AFAP1L2: variants seen among roughly 807,000 people sequenced by gnomAD.
The protein encoded by AFAP1L2 is actin filament-associated protein 1-like 2.
In AFAP1L2, 46 loss-of-function variants were observed where a neutral mutation model predicts 99.3. The ratio of observed to expected loss-of-function variants is 0.46; its 90% CI spans 0.37 to 0.59. The LOEUF (loss-of-function observed/expected upper bound fraction) is 0.59, where lower values mean the gene tolerates loss of function less well. Among genes scored for constraint, AFAP1L2 ranks in the 20% least tolerant of loss-of-function variants. The probability of loss-of-function intolerance (pLI) is 0.00; values close to 1 mark genes in which losing one functional copy is unlikely to be tolerated. For synonymous variants in AFAP1L2, 397 were observed against 419.1 expected (o/e 0.95, Z 0.64); for missense variants, 959 against 1,034.9 (o/e 0.93, Z 1.01).
intron 10 of AFAP1L2, among the ~76,000 whole-genome samples, chr10:114,306,377 G>GGACGCGGGGGGGGGAGGGGA (rs1452022457): frequency 6.6e-6 from 1 of 151,074 alleles, no homozygotes; most frequent in Non-Finnish European, 1.5e-5. Flanking sequence ...GGGCAGGAGG[G>GGACGCGGGGGGGGGAGGGGA]CATGGGTGTC....
At chr10:114,325,232 A>G (rs1265829213) in intron 4 of AFAP1L2, among the ~76,000 whole-genome samples, 2 of 152,336 alleles carry the variant, frequency 1.3e-5, no homozygotes, top group East Asian at 3.9e-4. Flanking sequence ...AAAACGTGAT[A>G]GTGTTTCCAC....
intron 4 of AFAP1L2, 50 bp downstream of exon 4, chr10:114,331,753 G>C: frequency 7.9e-7 from 1 of 1,264,708 alleles, no homozygotes; most frequent in Non-Finnish European, 1.0e-6. Flanking sequence ...ACAACTGGAA[G>C]TTCAAGGGGC....
chr10:114,350,348 TGGA>T (rs1050170684), intron 1 of AFAP1L2, among the ~76,000 whole-genome samples: 1 of 152,224 alleles, frequency 6.6e-6, no homozygotes, highest in African/African-American at 2.4e-5. Context: ...TGTTGTCCCA[TGGA>T]TGCAAGTCCT....
intron 16 of AFAP1L2, among the ~76,000 whole-genome samples, chr10:114,298,086 A>G (rs925868998): frequency 2.0e-5 from 3 of 152,230 alleles, no homozygotes; most frequent in East Asian, 1.9e-4. Flanking sequence ...GTTTAAAAAA[A>G]TACAGTTCAA....
At chr10:114,337,742 G>A (rs1436109424) in intron 2 of AFAP1L2, among the ~76,000 whole-genome samples, 1 of 152,228 alleles carries the variant, frequency 6.6e-6, no homozygotes, top group Non-Finnish European at 1.5e-5. Context: ...AGATCCACGG[G>A]TCAGACTTAT....
chr10:114,290,239 G>T, downstream of AFAP1L2: 1 of 1,550,372 alleles, frequency 6.5e-7, no homozygotes, highest in Middle Eastern at 1.7e-4. Flanking sequence ...CTCCATTGTA[G>T]AAGCCAAGCA....
At chr10:114,304,650 A>C (rs2041814447) in intron 11 of AFAP1L2, 69 bp downstream of exon 11, 12 of 1,385,414 alleles carry the variant, frequency 8.7e-6, no homozygotes, top group Non-Finnish European at 1.2e-5. Context: ...ACAGTCCTGG[A>C]GACTGGCAGC....
At chr10:114,282,017 C>CTTTTTTTTTTTTTTTTTTTTTTT in the AFAP1L2 span, among the ~76,000 whole-genome samples, 1 of 119,704 alleles carries the variant, frequency 8.4e-6, no homozygotes. Context: ...CTTATGTTAC[C>CTTTTTTTTTTTTTTTTTTTTTTT]TTTTTTTTTT....
intron 1 of AFAP1L2, among the ~76,000 whole-genome samples, chr10:114,356,773 G>C (rs1201825835): frequency 6.6e-6 from 1 of 152,220 alleles, no homozygotes; most frequent in Non-Finnish European, 1.5e-5. Context: ...ATCCTAGAGA[G>C]CAAAGGAAAG....
chr10:114,384,831 G>C (rs1018848746), intron 1 of AFAP1L2, among the ~76,000 whole-genome samples: 1 of 152,220 alleles, frequency 6.6e-6, no homozygotes, highest in African/African-American at 2.4e-5. Flanking sequence ...CACACACTCA[G>C]TGGGGACTTC....
At chr10:114,285,753 G>A in the AFAP1L2 span, among the ~76,000 whole-genome samples, 3 of 152,336 alleles carry the variant, frequency 2.0e-5, no homozygotes, top group South Asian at 2.1e-4. Flanking sequence ...GACCCTTAGC[G>A]AGTGCCAGGA....
chr10:114,376,123 T>G (rs1329071887), intron 1 of AFAP1L2, among the ~76,000 whole-genome samples: 1 of 152,178 alleles, frequency 6.6e-6, no homozygotes. Context: ...CTCCTACCTC[T>G]GCCAAAAAGC....
chr10:114,401,449 G>A (rs529896211), intron 1 of AFAP1L2, among the ~76,000 whole-genome samples: 1 of 152,296 alleles, frequency 6.6e-6, no homozygotes, highest in Non-Finnish European at 1.5e-5. Flanking sequence ...AACACATAAG[G>A]ATGGGAACCT....
chr10:114,387,670 T>C (rs1164741743), intron 1 of AFAP1L2, among the ~76,000 whole-genome samples: 1 of 152,214 alleles, frequency 6.6e-6, no homozygotes, highest in Non-Finnish European at 1.5e-5. Flanking sequence ...GAGTAAGTAA[T>C]TGCTCATGGT....
At chr10:114,322,094 A>G (rs1479237284) in intron 5 of AFAP1L2, among the ~76,000 whole-genome samples, 1 of 152,056 alleles carries the variant, frequency 6.6e-6, no homozygotes, top group African/African-American at 2.4e-5. Flanking sequence ...TTCCCTGTAC[A>G]CGCTCTCTCT....
At position 114,301,444 on chromosome 10, in the gene AFAP1L2, T is replaced by C. The variant is rs1356122020; in HGVS notation, c.1452A>G (p.Ser484=). ...GGCCATCGATGTAAGTGTTGGGCTC[T>C]GAGAACTTTCTCTGCATCAGTCTGG... The part of the protein sequence containing the change: ...NSLLLMQRKF[S]EPNTYIDGLP... The change falls in exon 13 of 19, where the codon TCA becomes TCG. Residue 484 remains serine, a synonymous_variant. Transcript: ENST00000304129. 1 of 1,613,916 alleles carries C rather than the reference T, an allele frequency of 6.2e-7. No individual in the cohort carries two copies. The highest frequency in any genetic ancestry group is 8.5e-7 in the Non-Finnish European group (1 of 1,179,854).
chr10:114,372,662 C>A (rs1275799259), intron 1 of AFAP1L2, among the ~76,000 whole-genome samples: 2 of 151,494 alleles, frequency 1.3e-5, no homozygotes, highest in Non-Finnish European at 2.9e-5. Flanking sequence ...TATATGTATA[C>A]ATATTTATAT....
In AFAP1L2 at chr10:114,295,115, C is replaced by G. The variant is rs1283263383; in HGVS notation, c.*927G>C. 6.1e-6 allele frequency: 6 copies of G among 984,408 alleles called. No homozygotes were observed. The African/African-American group carries it at 1.1e-4, about 17-fold the overall frequency. 61.0% of individuals were successfully genotyped at this position (984,408 alleles called of 1,614,324 possible). ...GAGGGCGATCACCCTAACCAAAAAT[C>G]ACCACTTTGTTCTTGGAAGGAGAAT... On this transcript the variant is annotated 3_prime_UTR_variant, in exon 19 of 19. Coordinates refer to ENST00000304129, the MANE Select transcript of AFAP1L2 (RefSeq NM_001001936.3).
chr10:114,289,396 A>C, the AFAP1L2 span: 109 of 1,614,036 alleles, frequency 6.8e-5, no homozygotes, highest in Non-Finnish European at 9.0e-5. Flanking sequence ...GGGTCTGCGG[A>C]GGCTTGCAGG....
Sources: gnomAD v4.1 joint callset for allele counts (sites outside exome capture counted in the v4.1 genomes callset) on GRCh38, gnomAD v4.1.1 for gene constraint, MANE v1.5 for transcripts, NCBI Gene and HGNC (gene_info 2026-07-23, HGNC 2026-07-21) for gene names.